PTPRT: variants seen among roughly 807,000 people sequenced by gnomAD.
PTPRT encodes the protein protein tyrosine phosphatase receptor type T.
In PTPRT, 56 loss-of-function variants were observed where a neutral mutation model predicts 176.8. The observed-to-expected ratio is 0.32, with a 90% CI of 0.26 to 0.40. PTPRT has a LOEUF of 0.40. PTPRT is among the 10% of genes least tolerant of loss of function. The pLI is 1.00. For synonymous variants in PTPRT, 783 were observed against 739.0 expected (o/e 1.06, Z -0.96); for missense variants, 1,540 against 1,908.2 (o/e 0.81, Z 3.60).
In PTPRT at chr20:42,422,972, CT is replaced by C. The variant is rs538707924; in HGVS notation, c.1560+25247del. Among the ~76,000 whole-genome samples, 73 of 152,080 alleles carry C rather than the reference CT, an allele frequency of 4.8e-4. No homozygotes were observed. The East Asian group carries it at 0.011, about 22-fold the overall frequency. On this transcript the variant is annotated intron_variant, in intron 9 of 30. Transcript: ENST00000373187. ...GAAAACCAAATACCACATGTTCTCA[CT>C]TATAAGTGGGAGCTAAACGATGAAA...
At chr20:42,725,713 T>C (rs1346685525) in intron 6 of PTPRT, among the ~76,000 whole-genome samples, 1 of 152,104 alleles carries the variant, frequency 6.6e-6, no homozygotes, top group African/African-American at 2.4e-5. Flanking sequence ...TTTTACACTG[T>C]TGGTGGGAAT....
At chr20:42,686,796 G>A (rs1022979037) in intron 6 of PTPRT, among the ~76,000 whole-genome samples, 1 of 152,140 alleles carries the variant, frequency 6.6e-6, no homozygotes, top group Non-Finnish European at 1.5e-5. Context: ...TCAGCCCATA[G>A]TGCACTCTTT....
chr20:42,538,080 T>C (rs941581969), intron 7 of PTPRT, among the ~76,000 whole-genome samples: 1 of 152,098 alleles, frequency 6.6e-6, no homozygotes, highest in Non-Finnish European at 1.5e-5. Flanking sequence ...GTAAGTTCTA[T>C]TACAATCTTT....
chr20:42,248,635 G>A, intron 14 of PTPRT, 52 bp downstream of exon 14: 1 of 1,603,052 alleles, frequency 6.2e-7, no homozygotes, highest in Non-Finnish European at 8.5e-7. Flanking sequence ...ACACAGCAGT[G>A]TTGAGGTCAC....
chr20:43,014,341 A>AGG (rs1985277156), intron 1 of PTPRT, among the ~76,000 whole-genome samples: 1 of 152,184 alleles, frequency 6.6e-6, no homozygotes, highest in African/African-American at 2.4e-5. Context: ...TGCAACTGTC[A>AGG]CCATTTAGTG....
intron 1 of PTPRT, among the ~76,000 whole-genome samples, chr20:43,006,274 C>G (rs1030958526): frequency 1.3e-5 from 2 of 152,186 alleles, no homozygotes; most frequent in Admixed American, 1.3e-4. Context: ...CTTTACATCT[C>G]ATGAGAAAGA....
chr20:42,441,981 C>T (rs2059320625), intron 9 of PTPRT, among the ~76,000 whole-genome samples: 1 of 152,168 alleles, frequency 6.6e-6, no homozygotes, highest in Non-Finnish European at 1.5e-5. Context: ...TACCTCCTGC[C>T]CATCTGGAAC....
At chr20:42,203,325 T>C (rs1296347652) in intron 15 of PTPRT, among the ~76,000 whole-genome samples, 1 of 152,198 alleles carries the variant, frequency 6.6e-6, no homozygotes, top group African/African-American at 2.4e-5. Flanking sequence ...ACCTCATTAT[T>C]TTTCTCTCTC....
At chr20:42,767,990 A>G (rs1317593787) in intron 5 of PTPRT, among the ~76,000 whole-genome samples, 1 of 137,652 alleles carries the variant, frequency 7.3e-6, no homozygotes, top group Non-Finnish European at 1.7e-5. Context: ...ACACACACAC[A>G]CACACACACA....
At chr20:42,129,422 G>C (rs944012087) in intron 18 of PTPRT, among the ~76,000 whole-genome samples, 13 of 152,172 alleles carry the variant, frequency 8.5e-5, no homozygotes, top group African/African-American at 2.9e-4. Flanking sequence ...ACACTATCTA[G>C]ACATAAACAA....
intron 15 of PTPRT, among the ~76,000 whole-genome samples, chr20:42,201,124 G>A (rs1991430503): frequency 6.6e-6 from 1 of 152,162 alleles, no homozygotes; most frequent in Admixed American, 6.5e-5. Flanking sequence ...GACCAGCTTG[G>A]GCAACATGGT....
intron 7 of PTPRT, among the ~76,000 whole-genome samples, chr20:42,530,998 A>G (rs1480528141): frequency 1.3e-5 from 2 of 152,238 alleles, no homozygotes; most frequent in African/African-American, 4.8e-5. Flanking sequence ...AAACGACATC[A>G]TCCTTAGAAC....
Position 42,218,728 on chromosome 20 carries a change from ATCTG to A in PTPRT, c.2342+17497_2342+17500del, listed in dbSNP as rs777814792. On this transcript the variant is annotated intron_variant, in intron 15 of 30. Coordinates refer to ENST00000373187, the MANE Select transcript of PTPRT (RefSeq NM_007050.6). Reference sequence around the variant, plus strand: ...ATACAGTCTTAGAGTAGCAGATGGCATCTGTCTGTCACAGGGTACTGAGCGGTGC... The same window carrying A: ...ATACAGTCTTAGAGTAGCAGATGGCATCTGTCACAGGGTACTGAGCGGTGC... Among the ~76,000 whole-genome samples the A allele has an allele frequency of 7.9e-5, 12 of 152,344 alleles. No homozygotes were observed. In the East Asian group the frequency reaches 2.3e-3, roughly 29 times the overall value.
intron 28 of PTPRT, 136 bp from the exon 29 acceptor site, chr20:42,084,981 G>A (rs547635690): frequency 9.1e-5 from 59 of 647,958 alleles, no homozygotes; most frequent in Admixed American, 6.0e-4. Context: ...CACGGGGAGA[G>A]TCCCCATGAC....
chr20:42,606,929 A>C (rs947270923), intron 7 of PTPRT: 5 of 152,208 alleles, frequency 3.3e-5, no homozygotes, highest in African/African-American at 1.2e-4. Flanking sequence ...CATCACAGCT[A>C]AAATGTGGAA....
chr20:42,847,765 T>G (rs1047881197), intron 2 of PTPRT, among the ~76,000 whole-genome samples: 2 of 152,220 alleles, frequency 1.3e-5, no homozygotes, highest in African/African-American at 4.8e-5. Flanking sequence ...ACCTTGAGAC[T>G]GTTTAGACTT....
intron 7 of PTPRT, among the ~76,000 whole-genome samples, chr20:42,605,859 G>T (rs549503278): frequency 6.6e-6 from 1 of 152,266 alleles, no homozygotes; most frequent in South Asian, 2.1e-4. Flanking sequence ...CAACATGCAG[G>T]TTCCAGGGCC....
Position 42,917,265 on chromosome 20 carries a change from T to A in PTPRT, c.89-31333A>T, listed in dbSNP as rs559162314. On this transcript the variant is annotated intron_variant, in intron 1 of 30. Transcript: ENST00000373187. ...TTTGTCAGGTTTGTCAAAGATCAGA[T>A]AGTTGTAGCTATGCGGCATTATTTC... Among the ~76,000 whole-genome samples the A allele has an allele frequency of 1.6e-3, 237 of 152,224 alleles. 3 individuals carry two copies. The highest frequency in any genetic ancestry group is 5.5e-3 in the African/African-American group (230 of 41,468).
At chr20:42,328,604 T>C (rs543781579) in intron 11 of PTPRT, among the ~76,000 whole-genome samples, 1 of 152,278 alleles carries the variant, frequency 6.6e-6, no homozygotes, top group Admixed American at 6.5e-5. Flanking sequence ...AAATCACTCA[T>C]TTTAAAAGAG....
Sources: gnomAD v4.1 joint callset for allele counts (sites outside exome capture counted in the v4.1 genomes callset) on GRCh38, gnomAD v4.1.1 for gene constraint, MANE v1.5 for transcripts, NCBI Gene and HGNC (gene_info 2026-07-23, HGNC 2026-07-21) for gene names.